HDAC6: variants seen among roughly 807,000 people sequenced by gnomAD.
HDAC6 encodes protein deacetylase HDAC6.
Under a neutral mutation model 88.9 loss-of-function variants are expected in HDAC6, and 5 were observed. The observed-to-expected ratio is 0.06, with a 90% CI of 0.03 to 0.12. HDAC6 has a LOEUF of 0.12. HDAC6 is among the 10% of genes least tolerant of loss of function. HDAC6 has a pLI of 1.00. For synonymous variants in HDAC6, 378 were observed against 398.0 expected, an observed-to-expected ratio of 0.95 and a Z score of 0.60; for missense variants, 706 against 1,014.4, an observed-to-expected ratio of 0.70 and a Z score of 4.13.
At chrX:48,820,572 C>T (rs1211718839) in intron 23 of HDAC6, among the ~76,000 whole-genome samples, 1 of 111,751 alleles carries the variant, frequency 8.9e-6, no homozygotes, top group East Asian at 2.8e-4. Context: ...GGTGTGATGA[C>T]TAGCCTGAGA....
rs782803339 is a variant in HDAC6 at position 48,805,433 on chromosome X, C to A, written c.312-5C>A. On this transcript the variant is annotated splice_polypyrimidine_tract_variant and splice_region_variant and intron_variant, in intron 4 of 28. Transcript: ENST00000334136. ...GCATCTGTGACTGTGACTCCATCTC[C>A]CCAGCTTCCCGGAAGGCCCTGAGCG... The A allele has an allele frequency of 4.2e-6, 5 of 1,202,899 alleles. No individual in the cohort carries two copies. Among genetic ancestry groups the A allele is most frequent in the Admixed American group, 2.2e-5 (1 of 45,830 alleles).
At position 48,815,417 on chromosome X, in the gene HDAC6, G is replaced by A. The variant is rs147989097; in HGVS notation, c.1183G>A (p.Val395Ile). 16 of 1,204,685 alleles carry A rather than the reference G, an allele frequency of 1.3e-5. No individual in the cohort carries two copies. Among genetic ancestry groups the A allele is most frequent in the African/African-American group, 1.2e-4 (7 of 56,931 alleles). ...CAACCTCCGCGCCCTGGCTGAAGGCGTCAGTGCTTCGCTCCACACCCTTCT... is the reference window on the plus strand; with the variant it reads ...CAACCTCCGCGCCCTGGCTGAAGGCATCAGTGCTTCGCTCCACACCCTTCT... ...GYNLRALAEG[V>I]SASLHTLLGD... The change falls in exon 15 of 29, where the codon GTC (valine) becomes ATC (isoleucine). Residue 395 changes from valine to isoleucine, a missense_variant. Transcript: ENST00000334136.
In HDAC6 at chrX:48,824,915, G is replaced by A; in HGVS notation, c.*303G>A. 2 of 1,085,625 alleles carry A rather than the reference G, an allele frequency of 1.8e-6. No individual in the cohort carries two copies. 89.5% of individuals were successfully genotyped at this position (1,085,625 alleles called of 1,213,427 possible). A position where few individuals can be genotyped will look rare whatever the true frequency, so the allele number is the denominator to read the frequency against. On this transcript the variant is annotated 3_prime_UTR_variant, in exon 29 of 29. Transcript: ENST00000334136. The stretch of plus-strand genomic sequence containing the variant: ...TATCATGAGGATAACATTGGCGGGA[G>A]GGGAGTTAACTGGCAGGCATGGCAA...
intron 28 of HDAC6, 94 bp from the exon 29 acceptor site, chrX:48,824,450 A>AGGGCTG (rs1384288628): frequency 6.6e-6 from 7 of 1,060,636 alleles, no homozygotes; most frequent in Middle Eastern, 2.9e-4. Context: ...TCCAGAAGAC[A>AGGGCTG]GAGTGGTTGA....
chrX:48,822,782 T>C lies in HDAC6; in HGVS notation c.2500T>C (p.Leu834=). The C allele has an allele frequency of 8.4e-7, 1 of 1,197,292 alleles. No homozygotes were observed. The highest frequency in any genetic ancestry group is 1.1e-6 in the Non-Finnish European group (1 of 886,693). Residue 834 remains leucine (L), a synonymous_variant, in exon 24 of 29, where the codon TTA becomes CTA. Transcript: ENST00000334136. ...IQVHRRYWRS[L]RVMKVEDREG... is the part of the protein sequence containing the mutation. ...AGTCCATCGCAGATACTGGCGCAGC[T>C]TACGGGTCATGAGTGAGTGGATTTG...
In HDAC6 at chrX:48,815,572, C is replaced by T. The variant is rs782819209; in HGVS notation, c.1257-3C>T. 7.4e-6 allele frequency: 9 copies of T among 1,208,325 alleles called. No individual in the cohort carries two copies. The Admixed American group carries it at 1.5e-4, about 21-fold the overall frequency. ...GACATCATATTTTCTCCCTGCCCTG[C>T]AGTGCCCAGGCTTCAGTTTCCTGTG... On this transcript the variant is annotated splice_region_variant and splice_polypyrimidine_tract_variant and intron_variant, in intron 15 of 28. Coordinates refer to ENST00000334136, the MANE Select transcript of HDAC6 (RefSeq NM_006044.4).
intron 23 of HDAC6, among the ~76,000 whole-genome samples, chrX:48,820,952 C>A (rs997001469): frequency 9.0e-6 from 1 of 111,144 alleles, no homozygotes; most frequent in Non-Finnish European, 1.9e-5. Context: ...ATCCTCCCAC[C>A]TCAGCCTCCT....
intron 8 of HDAC6, among the ~76,000 whole-genome samples, chrX:48,807,508 T>G (rs1395688101): frequency 1.8e-5 from 2 of 112,669 alleles, no homozygotes; most frequent in African/African-American, 6.5e-5. Context: ...ATTTTATTTT[T>G]ATTTTTATTT....
intron 23 of HDAC6, among the ~76,000 whole-genome samples, chrX:48,822,143 G>A (rs910142042): frequency 1.3e-4 from 14 of 111,789 alleles, no homozygotes; most frequent in Non-Finnish European, 1.7e-4. Context: ...CTAGGTCAGG[G>A]CAGGGGCTTT....
intron 10 of HDAC6, among the ~76,000 whole-genome samples, chrX:48,811,661 A>G (rs1325321973): frequency 8.9e-6 from 1 of 112,015 alleles, no homozygotes; most frequent in Non-Finnish European, 1.9e-5. Context: ...TTGGGGTAAC[A>G]TCTCTTTTTT....
In HDAC6 at chrX:48,824,240, C is replaced by T; in HGVS notation, c.3525C>T (p.Ser1175=). ...ATTCTGGACACCCGCTGGTCCTCAG[C>T]TACATCGACCTGTCAGCCTGGTGTT... ...HGNSGHPLVL[S]YIDLSAWCYY... is the part of the protein sequence containing the mutation. Residue 1175 remains serine (S), a synonymous_variant, in exon 28 of 29, where the codon AGC becomes AGT. Coordinates refer to ENST00000334136, the MANE Select transcript of HDAC6 (RefSeq NM_006044.4). 8.3e-7 allele frequency: 1 copy of T among 1,211,215 alleles called. No individual in the cohort carries two copies. The highest frequency in any genetic ancestry group is 1.1e-6 in the Non-Finnish European group (1 of 895,163).
chrX:48,820,292 G>A (rs782578358), intron 23 of HDAC6, 37 bp downstream of exon 23: 1 of 1,106,435 alleles, frequency 9.0e-7, no homozygotes, highest in Non-Finnish European at 1.2e-6. Flanking sequence ...ACAGTGGGAG[G>A]GTAGTTTGGA....
intron 22 of HDAC6, 96 bp downstream of exon 22, chrX:48,818,508 G>A: frequency 2.7e-6 from 2 of 737,811 alleles, no homozygotes; most frequent in Non-Finnish European, 2.0e-6. Flanking sequence ...TGACTACCAT[G>A]TGGCTGATGA....
intron 10 of HDAC6, among the ~76,000 whole-genome samples, chrX:48,812,977 G>A (rs1443151631): frequency 4.5e-5 from 5 of 110,530 alleles, no homozygotes; most frequent in Admixed American, 1.9e-4. Context: ...GCCCGATCTC[G>A]GCTCACTGCA....
chrX:48,816,662 G>C, intron 19 of HDAC6, 29 bp downstream of exon 19: 1 of 1,153,342 alleles, frequency 8.7e-7, no homozygotes, highest in Non-Finnish European at 1.2e-6. Flanking sequence ...GGGGAGAGGA[G>C]GACCTGGGGG....
At chrX:48,813,128 C>T (rs1193113037) in intron 10 of HDAC6, among the ~76,000 whole-genome samples, 1 of 112,239 alleles carries the variant, frequency 8.9e-6, no homozygotes, top group Admixed American at 9.4e-5. Flanking sequence ...ATGCTGGTCT[C>T]GAACTTCTGG....
intron 23 of HDAC6, among the ~76,000 whole-genome samples, chrX:48,821,907 T>C (rs1557030057): frequency 2.7e-5 from 3 of 112,099 alleles, no homozygotes; most frequent in Admixed American, 9.5e-5. Flanking sequence ...CAGTACTGCT[T>C]GTGACAGGAC....
chrX:48,819,994 C>T (rs1557029172), intron 22 of HDAC6, 112 bp from the exon 23 acceptor site: 1 of 744,148 alleles, frequency 1.3e-6, no homozygotes, highest in Admixed American at 2.3e-5. Flanking sequence ...CTCTGACTTG[C>T]ATCTCCATGT....
chrX:48,813,652 C>T (rs2062935760), intron 10 of HDAC6: 1 of 112,221 alleles, frequency 8.9e-6, no homozygotes. Flanking sequence ...TGTCAAAACA[C>T]GTGCATCGCA....
Sources: allele counts gnomAD v4.1 joint callset (sites outside exome capture counted in the v4.1 genomes callset), GRCh38; gene constraint gnomAD v4.1.1; transcripts MANE v1.5; gene names NCBI Gene and HGNC (gene_info 2026-07-23, HGNC 2026-07-21).